LYPLAL1: variants seen among roughly 807,000 people sequenced by gnomAD.
The protein encoded by LYPLAL1 is lysophospholipase-like protein 1.
In LYPLAL1, 23 loss-of-function variants were observed where a neutral mutation model predicts 19.7. The ratio of observed to expected loss-of-function variants is 1.17; its 90% CI spans 0.84 to 1.65. The LOEUF (loss-of-function observed/expected upper bound fraction) is 1.65, where lower values mean the gene tolerates loss of function less well. Among genes scored for constraint, LYPLAL1 ranks in the 40% most tolerant of loss-of-function variants. LYPLAL1 has a pLI of 0.00. For synonymous variants in LYPLAL1, 119 were observed against 96.3 expected (o/e 1.24, Z -1.38); for missense variants, 355 against 279.4 (o/e 1.27, Z -1.93).
the LYPLAL1 span, among the ~76,000 whole-genome samples, chr1:219,406,403 C>T: frequency 6.6e-6 from 1 of 152,124 alleles, no homozygotes; most frequent in Non-Finnish European, 1.5e-5. Flanking sequence ...AGTCAAAGAA[C>T]CTCACTGCTT....
the LYPLAL1 span, among the ~76,000 whole-genome samples, chr1:219,239,488 T>G: frequency 1.3e-5 from 2 of 152,254 alleles, no homozygotes; most frequent in African/African-American, 4.8e-5. Flanking sequence ...AATGAAATTT[T>G]CTTTATGGAA....
the LYPLAL1 span, among the ~76,000 whole-genome samples, chr1:219,265,469 T>C: frequency 6.6e-6 from 1 of 152,208 alleles, no homozygotes; most frequent in African/African-American, 2.4e-5. Context: ...GGCGCTTGAT[T>C]GTCAAATAAG....
chr1:219,311,658 C>T, the LYPLAL1 span, among the ~76,000 whole-genome samples: 1 of 151,834 alleles, frequency 6.6e-6, no homozygotes, highest in East Asian at 1.9e-4. Context: ...AGATAAAAGG[C>T]TTAAATACAT....
chr1:219,229,642 T>C, the LYPLAL1 span, among the ~76,000 whole-genome samples: 3 of 152,188 alleles, frequency 2.0e-5, no homozygotes, highest in Non-Finnish European at 4.4e-5. Flanking sequence ...AAGAGCACAC[T>C]GTAATACACG....
At chr1:219,336,776 G>T in the LYPLAL1 span, among the ~76,000 whole-genome samples, 3 of 151,986 alleles carry the variant, frequency 2.0e-5, no homozygotes, top group Non-Finnish European at 4.4e-5. Flanking sequence ...GAAATGGAAA[G>T]CAATGTTTCT....
At chr1:219,386,534 TC>T in the LYPLAL1 span, among the ~76,000 whole-genome samples, 2 of 152,126 alleles carry the variant, frequency 1.3e-5, no homozygotes, top group Non-Finnish European at 2.9e-5. Flanking sequence ...TTTGTTAATT[TC>T]CCCCTATACT....
At chr1:219,185,024 T>A (rs528777469) in intron 2 of LYPLAL1, among the ~76,000 whole-genome samples, 1 of 151,974 alleles carries the variant, frequency 6.6e-6, no homozygotes, top group African/African-American at 2.4e-5. Context: ...CTATTGAAAT[T>A]ACCTGGACCT....
chr1:219,309,766 T>G, the LYPLAL1 span, among the ~76,000 whole-genome samples: 1 of 152,238 alleles, frequency 6.6e-6, no homozygotes, highest in East Asian at 1.9e-4. Context: ...CCTCTTTTTC[T>G]TCCCAGTCTC....
the LYPLAL1 span, among the ~76,000 whole-genome samples, chr1:219,372,432 A>C: frequency 6.6e-6 from 1 of 152,154 alleles, no homozygotes; most frequent in Non-Finnish European, 1.5e-5. Flanking sequence ...AGGTGAAGTA[A>C]TTGAGATCTC....
the LYPLAL1 span, among the ~76,000 whole-genome samples, chr1:219,385,181 C>G: frequency 9.5e-4 from 145 of 152,256 alleles, 1 homozygote; most frequent in East Asian, 0.021. Context: ...GCACTCTATG[C>G]CTGGAGAATA....
At chr1:219,438,750 AT>A in the LYPLAL1 span, among the ~76,000 whole-genome samples, 1 of 152,226 alleles carries the variant, frequency 6.6e-6, no homozygotes, top group African/African-American at 2.4e-5. Flanking sequence ...TTACTATGGC[AT>A]TTATTCAAGT....
chr1:219,398,210 T>C, the LYPLAL1 span, among the ~76,000 whole-genome samples: 1 of 152,228 alleles, frequency 6.6e-6, no homozygotes, highest in Non-Finnish European at 1.5e-5. Flanking sequence ...ATTTGGTTTC[T>C]TTACATGAGT....
the LYPLAL1 span, among the ~76,000 whole-genome samples, chr1:219,351,455 G>A: frequency 6.6e-6 from 1 of 152,040 alleles, no homozygotes; most frequent in Non-Finnish European, 1.5e-5. Flanking sequence ...CCACTCTCAT[G>A]AGGATCATCC....
At chr1:219,239,891 C>T in the LYPLAL1 span, among the ~76,000 whole-genome samples, 26 of 152,324 alleles carry the variant, frequency 1.7e-4, no homozygotes, top group Admixed American at 1.6e-3. Flanking sequence ...CCCTGCTCAT[C>T]AGATGGTAAT....
At chr1:219,217,412 G>GTGTGTGTGTGTGTGTGTGTGTGT (rs1553304623), downstream of LYPLAL1, among the ~76,000 whole-genome samples, 1 of 70,768 alleles carries the variant, frequency 1.4e-5, no homozygotes, top group Non-Finnish European at 3.5e-5. Context: ...GTGTGTGAGA[G>GTGTGTGTGTGTGTGTGTGTGTGT]ATGGTTGTAA....
At chr1:219,335,558 T>C in the LYPLAL1 span, among the ~76,000 whole-genome samples, 1 of 152,010 alleles carries the variant, frequency 6.6e-6, no homozygotes, top group Non-Finnish European at 1.5e-5. Context: ...AAATGGGGTT[T>C]ATATTGTATT....
At chr1:219,181,146 G>A (rs1439875898) in intron 2 of LYPLAL1, among the ~76,000 whole-genome samples, 3 of 151,770 alleles carry the variant, frequency 2.0e-5, no homozygotes, top group African/African-American at 7.3e-5. Context: ...ACATGTAATC[G>A]GTATAAAATT....
chr1:219,183,603 T>C (rs1656472275), intron 2 of LYPLAL1, among the ~76,000 whole-genome samples: 1 of 151,966 alleles, frequency 6.6e-6, no homozygotes, highest in Non-Finnish European at 1.5e-5. Context: ...TCCCATCTCA[T>C]GTATTATTGT....
the LYPLAL1 span, among the ~76,000 whole-genome samples, chr1:219,442,076 A>G: frequency 6.6e-6 from 1 of 152,194 alleles, no homozygotes; most frequent in African/African-American, 2.4e-5. Context: ...ATGATTAAAC[A>G]ATACCATTCT....
Sources: allele counts gnomAD v4.1 joint callset (sites outside exome capture counted in the v4.1 genomes callset), GRCh38; gene constraint gnomAD v4.1.1; transcripts MANE v1.5; gene names NCBI Gene and HGNC (gene_info 2026-07-23, HGNC 2026-07-21).